Variants in KLC2 observed in about 807,000 individuals in gnomAD.
KLC2 encodes the protein kinesin light chain 2, also known as KLC 2.
Under a neutral mutation model 75.1 loss-of-function variants are expected in KLC2, and 35 were observed. That is an observed-to-expected ratio of 0.47 (90% CI 0.36 to 0.62). KLC2 has a LOEUF of 0.62. Among genes scored for constraint, KLC2 ranks in the 20% least tolerant of loss-of-function variants. KLC2 has a pLI of 0.00. For synonymous variants in KLC2, 314 were observed against 336.7 expected (o/e 0.93, Z 0.74); for missense variants, 611 against 833.2 (o/e 0.73, Z 3.28).
intron 4 of KLC2, chr11:66,262,468 C>T (rs1856502491): frequency 1.8e-6 from 1 of 552,160 alleles, no homozygotes; most frequent in Non-Finnish European, 3.3e-6. Flanking sequence ...TCTTCCTCTC[C>T]GAATCACCTC....
At chr11:66,264,786 G>A (rs1022689741) in intron 9 of KLC2, 4 of 588,340 alleles carry the variant, frequency 6.8e-6, no homozygotes, top group African/African-American at 3.7e-5. Context: ...TGAGTCCCTC[G>A]GAGCCTGGCC....
At chr11:66,248,027 G>A in the KLC2 span, among the ~76,000 whole-genome samples, 2 of 152,148 alleles carry the variant, frequency 1.3e-5, no homozygotes, top group African/African-American at 4.8e-5. Flanking sequence ...AAGCAGCTGT[G>A]CCCAGTCACC....
chr11:66,267,189 G>A lies in KLC2; in HGVS notation c.*233G>A. ...CTTCCAGCAGGGCCCTCTTCCCTAG[G>A]TTCGGGCCAGCAGGAGGTGCCGGCT... On this transcript the variant is annotated 3_prime_UTR_variant, in exon 16 of 16. Transcript: ENST00000394067. 6.5e-7 allele frequency: 1 copy of A among 1,549,716 alleles called. No homozygotes were observed. The highest frequency in any genetic ancestry group is 8.7e-7 in the Non-Finnish European group (1 of 1,146,522).
upstream of KLC2, among the ~76,000 whole-genome samples, chr11:66,254,341 C>T (rs1855986133): frequency 6.6e-6 from 1 of 151,964 alleles, no homozygotes; most frequent in South Asian, 2.1e-4. Flanking sequence ...CAATCCAGGG[C>T]GCACAGCACA....
rs1312987213 is a variant in KLC2, at chr11:66,262,909, G to A, written c.625G>A (p.Ala209Thr). 11 of 1,613,680 alleles carry A rather than the reference G, an allele frequency of 6.8e-6. No individual in the cohort carries two copies. Among genetic ancestry groups the A allele is most frequent in the Non-Finnish European group, 9.3e-6 (11 of 1,179,948 alleles). Residue 209 changes from alanine to threonine, a missense_variant, in exon 5 of 16, where the codon GCC becomes ACC. Ala to Thr is a moderately conservative substitution (Grantham distance 58). Transcript: ENST00000394067. ...CCTGCACAACCTGGTGATCCAATACGCCTCACAGGGCCGCTACGAGGTAGC... is the reference window on the plus strand; with the variant it reads ...CCTGCACAACCTGGTGATCCAATACACCTCACAGGGCCGCTACGAGGTAGC... ...RTLHNLVIQY[A>T]SQGRYEVAVP...
At chr11:66,256,240 G>GA (rs533086328), upstream of KLC2, among the ~76,000 whole-genome samples, 1,389 of 142,548 alleles carry the variant, frequency 9.7e-3, 11 homozygotes, top group Non-Finnish European at 0.011. Flanking sequence ...AAATAAATTG[G>GA]AAAAAAAAAA....
At chr11:66,246,425 T>C in the KLC2 span, among the ~76,000 whole-genome samples, 4 of 152,176 alleles carry the variant, frequency 2.6e-5, no homozygotes, top group African/African-American at 9.6e-5. Context: ...TCTGACACCA[T>C]ATCCTCAGCC....
chr11:66,258,545 A>G lies in KLC2; in HGVS notation c.-11-39A>G, dbSNP rs1253270905. 2.8e-6 allele frequency: 4 copies of G among 1,441,866 alleles called. No homozygotes were observed. The Admixed American group carries it at 5.2e-5, about 19-fold the overall frequency. The allele number at this position is 1,441,866 out of a possible 1,614,324, so 89.3% of individuals were successfully genotyped here. A position where few individuals can be genotyped will look rare whatever the true frequency, so the allele number is the denominator to read the frequency against. ...CCGGGGCGGACGGCGGTGTGGCCCC[A>G]GGCCCGGCGCCCGCCTGCCCGCACC... On this transcript the variant is annotated intron_variant, in intron 1 of 15. Transcript: ENST00000394067.
In KLC2 at chr11:66,258,810, G is replaced by T; in HGVS notation, c.216G>T (p.Leu72=). The T allele has an allele frequency of 6.2e-7, 1 of 1,610,026 alleles. No homozygotes were observed. ...RRSLEAIELG[L]GEAQVILALS... ...CCCTGGAAGCCATTGAGCTTGGGCT[G>T]GGGGAGGCCCAGGTAGGTCAGTCTG... The change falls in exon 2 of 16, where the codon CTG becomes CTT. Residue 72 remains leucine, a synonymous_variant. Coordinates refer to ENST00000394067, the MANE Select transcript of KLC2 (RefSeq NM_001318734.2).
rs374975835 is a variant in KLC2, at chr11:66,265,223, G to A, written c.1322G>A (p.Cys441Tyr). ...YGEYGSWYKA[C>Y]KVDSPTVNTT... ...GAATACGGCAGCTGGTACAAGGCCTGTAAAGTAGACAGGTGAGTGGGGCGG... is the reference window on the plus strand; with the variant it reads ...GAATACGGCAGCTGGTACAAGGCCTATAAAGTAGACAGGTGAGTGGGGCGG... Residue 441 changes from cysteine to tyrosine, a missense_variant, in exon 11 of 16, where the codon TGT becomes TAT. Coordinates refer to ENST00000394067, the MANE Select transcript of KLC2 (RefSeq NM_001318734.2). 21 of 886,574 alleles carry A rather than the reference G, an allele frequency of 2.4e-5. No homozygotes were observed. Among genetic ancestry groups the A allele is most frequent in the Non-Finnish European group, 3.7e-5 (21 of 572,500 alleles). The allele number at this position is 886,574 out of a possible 1,614,324, so 54.9% of individuals were successfully genotyped here.
the KLC2 span, among the ~76,000 whole-genome samples, chr11:66,249,826 C>T: frequency 6.6e-6 from 1 of 152,174 alleles, no homozygotes; most frequent in East Asian, 1.9e-4. Flanking sequence ...AACCCGGACT[C>T]ATCCTGCGCC....
chr11:66,264,049 C>A lies in KLC2; in HGVS notation c.946C>A (p.Leu316Met). Residue 316 changes from leucine (L) to methionine (M), a missense_variant, in exon 8 of 16, where the codon CTG (leucine) becomes ATG (methionine). Leu to Met is a conservative substitution (Grantham distance 15, BLOSUM62 2). Coordinates refer to ENST00000394067, the MANE Select transcript of KLC2 (RefSeq NM_001318734.2). ...CTGGCTCCCTCTCCCATCCCAGGTC[C>A]TGGGCAAGTTTCACCCAGATGTGGC... ...KRALEIREKVLGKFHPDVAKQ... is the reference protein window; with the variant it reads ...KRALEIREKVMGKFHPDVAKQ... 1 of 1,608,200 alleles carries A rather than the reference C, an allele frequency of 6.2e-7. No individual in the cohort carries two copies. Among genetic ancestry groups the A allele is most frequent in the Non-Finnish European group, 8.5e-7 (1 of 1,176,876 alleles).
chr11:66,255,134 G>T (rs1376790338), upstream of KLC2, among the ~76,000 whole-genome samples: 1 of 152,244 alleles, frequency 6.6e-6, no homozygotes, highest in Non-Finnish European at 1.5e-5. Context: ...ATGGTCGGAT[G>T]TAGTCTCTAT....
At chr11:66,266,564 A>G (rs1856841447) in intron 15 of KLC2, 74 bp downstream of exon 15, 1 of 1,408,664 alleles carries the variant, frequency 7.1e-7, no homozygotes, top group Non-Finnish European at 1.0e-6. Context: ...GCTTCCCTCC[A>G]GCATGCCTCT....
the KLC2 span, among the ~76,000 whole-genome samples, chr11:66,246,438 C>G: frequency 6.6e-6 from 1 of 152,128 alleles, no homozygotes; most frequent in Non-Finnish European, 1.5e-5. Flanking sequence ...CCTCAGCCTC[C>G]CCTTCTGTGG....
Position 66,265,239 on chromosome 11 carries a change from A to G in KLC2, c.1334+4A>G. On this transcript the variant is annotated splice_donor_region_variant and intron_variant, in intron 11 of 15. Transcript: ENST00000394067. Reference sequence around the variant, plus strand: ...ACAAGGCCTGTAAAGTAGACAGGTGAGTGGGGCGGGGCTGGGCTGGGGAGC... The same window carrying G: ...ACAAGGCCTGTAAAGTAGACAGGTGGGTGGGGCGGGGCTGGGCTGGGGAGC... 2.8e-6 allele frequency: 2 copies of G among 707,806 alleles called. No homozygotes were observed. The highest frequency in any genetic ancestry group is 4.8e-6 in the Non-Finnish European group (2 of 413,138). 43.8% of individuals were successfully genotyped at this position (707,806 alleles called of 1,614,324 possible).
chr11:66,265,736 G>A lies in KLC2; in HGVS notation c.1416G>A (p.Glu472=). The change falls in exon 12 of 16, where the codon GAG becomes GAA. Residue 472 remains glutamate, a synonymous_variant. Transcript: ENST00000394067. ...AGCTGGAAGCCGCGCACACACTAGA[G>A]GACTGTGCCAGCCGTAACCGCAAGC... is the stretch of plus-strand genomic sequence containing the variant. ...QGKLEAAHTL[E]DCASRNRKQG... 6.2e-7 allele frequency: 1 copy of A among 1,613,746 alleles called. No individual in the cohort carries two copies. Among genetic ancestry groups the A allele is most frequent in the South Asian group, 1.1e-5 (1 of 91,082 alleles).
Position 66,266,094 on chromosome 11 carries a change from ATGGCAG to A in KLC2, c.1609_1614del (p.Gly538_Ser539del). 1.9e-6 allele frequency: 3 copies of A among 1,614,062 alleles called. No individual in the cohort carries two copies. The South Asian group carries it at 3.3e-5, about 18-fold the overall frequency. On this transcript the variant is annotated inframe_deletion and splice_region_variant, in exon 14 of 16. Coordinates refer to ENST00000394067, the MANE Select transcript of KLC2 (RefSeq NM_001318734.2). ...AGAGGCAAGCCTGTCCACCTGCAGGATGGCAGTGGCTCCTTGAGGCGCAGCGGTTCC... is the reference window on the plus strand; with the variant it reads ...AGAGGCAAGCCTGTCCACCTGCAGGATGGCTCCTTGAGGCGCAGCGGTTCC...
intron 4 of KLC2, 58 bp from the exon 5 acceptor site, chr11:66,262,756 T>C (rs1054162546): frequency 3.9e-6 from 5 of 1,296,882 alleles, no homozygotes; most frequent in Admixed American, 1.7e-5. Context: ...AGCTGGCATG[T>C]GCCATCCCAG....
Sources: allele counts gnomAD v4.1 joint callset (sites outside exome capture counted in the v4.1 genomes callset), GRCh38; gene constraint gnomAD v4.1.1; transcripts MANE v1.5; gene names NCBI Gene and HGNC (gene_info 2026-07-23, HGNC 2026-07-21).